ACVR1: variants seen among roughly 807,000 people sequenced by gnomAD.
ACVR1 encodes the protein activin A receptor type 1.
ACVR1 carries 38 observed loss-of-function variants against 57.1 expected under a neutral mutation model. That is an observed-to-expected ratio of 0.67 (90% CI 0.51 to 0.87). ACVR1 has a LOEUF of 0.87. Among genes scored for constraint, ACVR1 ranks in the 40% least tolerant of loss-of-function variants. The pLI is 0.00. For synonymous variants in ACVR1, 212 were observed against 228.1 expected (o/e 0.93, Z 0.63); for missense variants, 463 against 638.2 (o/e 0.73, Z 2.96).
chr2:157,737,626 A>G lies in ACVR1; in HGVS notation c.1435T>C (p.Tyr479His). The change falls in exon 11 of 11, where the codon TAT becomes CAT. Residue 479 changes from tyrosine to histidine, a missense_variant. This residue lies in a region of ACVR1 where 146 missense variants were observed against 186.6 expected (regional missense o/e 0.78). Coordinates refer to ENST00000434821, the MANE Select transcript of ACVR1 (RefSeq NM_001111067.4). ...SLAKLMKECWYQNPSARLTAL... is the reference protein window; with the variant it reads ...SLAKLMKECWHQNPSARLTAL... ...GTGAGTCTTGCGGATGGATTTTGAT[A>G]CCAGCATTCTTTCATTAGCTTGGCC... 6.2e-7 allele frequency: 1 copy of G among 1,614,148 alleles called. No individual in the cohort carries two copies. Among genetic ancestry groups the G allele is most frequent in the Non-Finnish European group, 8.5e-7 (1 of 1,179,984 alleles).
At chr2:157,831,121 C>T (rs1688567577) in intron 1 of ACVR1, among the ~76,000 whole-genome samples, 1 of 152,118 alleles carries the variant, frequency 6.6e-6, no homozygotes, top group Non-Finnish European at 1.5e-5. Context: ...GGTTTTTCCC[C>T]ACCCCACTAC....
rs558419145 is a variant in ACVR1 at position 157,841,067 on chromosome 2, G to A, written c.-182-22508C>T. Among the ~76,000 whole-genome samples, 7 of 152,306 alleles carry A rather than the reference G, an allele frequency of 4.6e-5. No individual in the cohort carries two copies. The East Asian group carries it at 1.4e-3, about 29-fold the overall frequency. ...CAAGAAATTCAGCACAACCTACCAG[G>A]TATGGCAAAAATTATGAAATGTACA... On this transcript the variant is annotated intron_variant, in intron 1 of 10. Coordinates refer to ENST00000434821, the MANE Select transcript of ACVR1 (RefSeq NM_001111067.4).
At chr2:157,738,086 T>C (rs1684608754) in intron 10 of ACVR1, among the ~76,000 whole-genome samples, 1 of 152,234 alleles carries the variant, frequency 6.6e-6, no homozygotes. Context: ...ATTTCAGATA[T>C]ACAGAGATGG....
intron 9 of ACVR1, among the ~76,000 whole-genome samples, chr2:157,747,103 T>C (rs576217623): frequency 8.5e-5 from 13 of 152,364 alleles, no homozygotes; most frequent in Non-Finnish European, 1.5e-4. Context: ...ATCATTATAA[T>C]GACCTTCCTC....
At chr2:157,832,598 A>G (rs1198632406) in intron 1 of ACVR1, among the ~76,000 whole-genome samples, 1 of 152,210 alleles carries the variant, frequency 6.6e-6, no homozygotes, top group Non-Finnish European at 1.5e-5. Flanking sequence ...GAGTAACCAC[A>G]AAACAGAGAC....
At chr2:157,849,171 T>C (rs968561084) in intron 1 of ACVR1, among the ~76,000 whole-genome samples, 5 of 152,226 alleles carry the variant, frequency 3.3e-5, no homozygotes. Flanking sequence ...CCTTGTTCAA[T>C]GGGTTGAATC....
At chr2:157,758,852 T>G (rs1685530332) in intron 9 of ACVR1, among the ~76,000 whole-genome samples, 1 of 151,986 alleles carries the variant, frequency 6.6e-6, no homozygotes, top group African/African-American at 2.4e-5. Flanking sequence ...CTCTGGAAAC[T>G]GTACAAACAC....
chr2:157,739,457 G>A (rs1344819819), intron 9 of ACVR1, among the ~76,000 whole-genome samples: 1 of 152,160 alleles, frequency 6.6e-6, no homozygotes, highest in Non-Finnish European at 1.5e-5. Context: ...TTTGGAATTA[G>A]AAAATGGATT....
chr2:157,780,042 A>T (rs979039934), intron 4 of ACVR1, among the ~76,000 whole-genome samples: 1 of 152,214 alleles, frequency 6.6e-6, no homozygotes, highest in African/African-American at 2.4e-5. Flanking sequence ...ATAAAAAGGT[A>T]TTGGGAGCTG....
intron 1 of ACVR1, among the ~76,000 whole-genome samples, chr2:157,835,539 A>G (rs1312533437): frequency 6.6e-6 from 1 of 152,210 alleles, no homozygotes; most frequent in Admixed American, 6.5e-5. Flanking sequence ...TTACTAACTA[A>G]AACATACAGT....
intron 1 of ACVR1, among the ~76,000 whole-genome samples, chr2:157,834,571 T>C (rs1258305297): frequency 1.3e-5 from 2 of 152,196 alleles, no homozygotes; most frequent in African/African-American, 2.4e-5. Flanking sequence ...GAGCTATATA[T>C]ATCACACACA....
intron 1 of ACVR1, among the ~76,000 whole-genome samples, chr2:157,834,446 G>A (rs1574127613): frequency 6.6e-6 from 1 of 152,044 alleles, no homozygotes. Flanking sequence ...AGAAGTAGGG[G>A]CATTCCAGGG....
intron 1 of ACVR1, among the ~76,000 whole-genome samples, chr2:157,861,460 T>C (rs1195296306): frequency 6.6e-6 from 1 of 152,210 alleles, no homozygotes; most frequent in Admixed American, 6.5e-5. Flanking sequence ...ATGCCATCAT[T>C]GCATACAGTC....
In ACVR1 at chr2:157,760,947, A is replaced by G. The variant is rs2105252365; in HGVS notation, c.1197T>C (p.Tyr399=). 4.3e-6 allele frequency: 7 copies of G among 1,614,168 alleles called. No individual in the cohort carries two copies. The highest frequency in any genetic ancestry group is 2.2e-5 in the South Asian group (2 of 91,088). The change falls in exon 9 of 11, where the codon TAT becomes TAC. Residue 399 remains tyrosine, a synonymous_variant. Transcript: ENST00000434821. ...CAAAGGCCCAAATATCGACCCTTTT[A>G]TAAGAATCGAAACAATCCACCTGGA... is the stretch of plus-strand genomic sequence containing the variant. ...ETIQVDCFDS[Y]KRVDIWAFGL...
intron 3 of ACVR1, among the ~76,000 whole-genome samples, chr2:157,793,988 G>A (rs954029512): frequency 1.3e-5 from 2 of 152,156 alleles, no homozygotes; most frequent in South Asian, 4.1e-4. Flanking sequence ...GAAATCTCTT[G>A]CGAAAAAATT....
chr2:157,740,795 T>C (rs1313324787), intron 9 of ACVR1, among the ~76,000 whole-genome samples: 1 of 152,204 alleles, frequency 6.6e-6, no homozygotes, highest in Admixed American at 6.5e-5. Flanking sequence ...TTTCCCATGT[T>C]TCAATTTTAT....
chr2:157,761,951 C>T (rs1321644369), intron 8 of ACVR1, among the ~76,000 whole-genome samples: 2 of 152,192 alleles, frequency 1.3e-5, no homozygotes, highest in Non-Finnish European at 2.9e-5. Context: ...CTCAAGCCAT[C>T]TACAGAGAAT....
At chr2:157,794,174 T>C (rs1346850977) in intron 3 of ACVR1, among the ~76,000 whole-genome samples, 2 of 152,160 alleles carry the variant, frequency 1.3e-5, no homozygotes, top group African/African-American at 4.8e-5. Context: ...AAGCCAAACA[T>C]GGAGGTTCTG....
intron 1 of ACVR1, among the ~76,000 whole-genome samples, chr2:157,840,884 T>G (rs1314484552): frequency 6.6e-6 from 1 of 152,254 alleles, no homozygotes; most frequent in Non-Finnish European, 1.5e-5. Flanking sequence ...CAGGGTCCGC[T>G]TCAAGAACAC....
Sources: allele counts gnomAD v4.1 joint callset (sites outside exome capture counted in the v4.1 genomes callset), GRCh38; gene constraint gnomAD v4.1.1; regional missense constraint gnomAD v4.1.1; transcripts MANE v1.5; gene names NCBI Gene and HGNC (gene_info 2026-07-23, HGNC 2026-07-21).